PRKCA: variants seen among roughly 807,000 people sequenced by gnomAD.
The protein encoded by PRKCA is protein kinase C alpha type.
PRKCA carries 27 observed loss-of-function variants against 87.0 expected under a neutral mutation model. The observed-to-expected ratio is 0.31, with a 90% confidence interval of 0.23 to 0.43. PRKCA has a LOEUF of 0.43. PRKCA is among the 20% of genes least tolerant of loss of function. The pLI, the probability that PRKCA is intolerant of heterozygous loss-of-function variation, is 1.00. For missense variants in PRKCA, 518 were observed against 852.3 expected, an observed-to-expected ratio of 0.61 and a Z score of 4.88; for synonymous variants, 329 against 311.1, an observed-to-expected ratio of 1.06 and a Z score of -0.61.
intron 2 of PRKCA, among the ~76,000 whole-genome samples, chr17:66,464,723 A>C (rs945538407): frequency 6.6e-6 from 1 of 152,076 alleles, no homozygotes; most frequent in Non-Finnish European, 1.5e-5. Flanking sequence ...TTGTTTTCCT[A>C]TTGCTGAATT....
chr17:66,570,052 G>A lies in PRKCA; in HGVS notation c.289-71303G>A, dbSNP rs149777639. Among the ~76,000 whole-genome samples the A allele has an allele frequency of 1.5e-3, 227 of 152,324 alleles. 3 individuals carry two copies. Among genetic ancestry groups the A allele is most frequent in the Admixed American group, 0.013 (201 of 15,296 alleles). ...TTGTATAATCCTATCATGGGGTACTGTGCAGCCCTGAATGAAAAACCTGTT... is the reference window on the plus strand; with the variant it reads ...TTGTATAATCCTATCATGGGGTACTATGCAGCCCTGAATGAAAAACCTGTT... On this transcript the variant is annotated intron_variant, in intron 3 of 16. Coordinates refer to ENST00000413366, the MANE Select transcript of PRKCA (RefSeq NM_002737.3).
intron 4 of PRKCA, among the ~76,000 whole-genome samples, chr17:66,642,253 C>T (rs993764863): frequency 6.6e-6 from 1 of 152,000 alleles, no homozygotes; most frequent in Admixed American, 6.6e-5. Context: ...CCTCAGCCTC[C>T]CGAGTAGCTG....
intron 2 of PRKCA, among the ~76,000 whole-genome samples, chr17:66,378,008 T>G (rs928383184): frequency 6.6e-6 from 1 of 152,104 alleles, no homozygotes; most frequent in African/African-American, 2.4e-5. Context: ...CACATTATAT[T>G]GTACCCCACA....
chr17:66,498,348 T>C (rs571607713), intron 3 of PRKCA, among the ~76,000 whole-genome samples: 1 of 152,320 alleles, frequency 6.6e-6, no homozygotes, highest in African/African-American at 2.4e-5. Flanking sequence ...TTCCCATCTT[T>C]ATCTTGCTGT....
intron 2 of PRKCA, among the ~76,000 whole-genome samples, chr17:66,440,496 T>C (rs71379971): frequency 6.6e-6 from 1 of 152,148 alleles, no homozygotes; most frequent in Non-Finnish European, 1.5e-5. Context: ...CCCCTGCCCC[T>C]TCAGAGCTTA....
intron 2 of PRKCA, among the ~76,000 whole-genome samples, chr17:66,490,110 C>G (rs1406752639): frequency 6.6e-6 from 1 of 152,042 alleles, no homozygotes; most frequent in African/African-American, 2.4e-5. Flanking sequence ...TCATAATGAA[C>G]TCAATTATGA....
intron 3 of PRKCA, among the ~76,000 whole-genome samples, chr17:66,507,935 G>A (rs1052488439): frequency 2.0e-5 from 3 of 152,232 alleles, no homozygotes; most frequent in Non-Finnish European, 2.9e-5. Flanking sequence ...TCTGTGGACA[G>A]AGAAGTAGAT....
intron 5 of PRKCA, among the ~76,000 whole-genome samples, chr17:66,658,045 A>G (rs1971783367): frequency 1.3e-5 from 2 of 152,144 alleles, no homozygotes; most frequent in South Asian, 4.1e-4. Flanking sequence ...GGTTTAATTG[A>G]CTCACAGTTC....
intron 5 of PRKCA, among the ~76,000 whole-genome samples, chr17:66,665,361 A>G (rs527788380): frequency 1.3e-5 from 2 of 152,314 alleles, no homozygotes; most frequent in South Asian, 4.1e-4. Flanking sequence ...CCATGAGAAC[A>G]TGACCAAAAG....
intron 2 of PRKCA, among the ~76,000 whole-genome samples, chr17:66,438,981 C>T (rs746662832): frequency 6.6e-6 from 1 of 152,094 alleles, no homozygotes; most frequent in South Asian, 2.1e-4. Context: ...GAGGGGAGAA[C>T]AGGGAATGAA....
intron 9 of PRKCA, among the ~76,000 whole-genome samples, chr17:66,733,051 T>C (rs897925117): frequency 1.3e-5 from 2 of 149,706 alleles, no homozygotes; most frequent in African/African-American, 4.9e-5. Context: ...CTTGGGAGGC[T>C]GAGGCAGGAG....
chr17:66,470,336 C>T (rs1915271779), intron 2 of PRKCA, among the ~76,000 whole-genome samples: 1 of 135,814 alleles, frequency 7.4e-6, no homozygotes, highest in Non-Finnish European at 1.6e-5. Flanking sequence ...AGCGATTCTC[C>T]TGCCTCAGCC....
intron 2 of PRKCA, among the ~76,000 whole-genome samples, chr17:66,361,486 A>G (rs943012067): frequency 6.6e-5 from 10 of 151,460 alleles, no homozygotes; most frequent in East Asian, 1.9e-4. Context: ...TAATTTTTGT[A>G]TTTTAGTAGA....
At chr17:66,444,313 A>G (rs1159139324) in intron 2 of PRKCA, among the ~76,000 whole-genome samples, 1 of 152,186 alleles carries the variant, frequency 6.6e-6, no homozygotes, top group East Asian at 1.9e-4. Flanking sequence ...ACCAACTCTC[A>G]TGGAATCCCA....
chr17:66,489,352 C>CATATATATATATATAT (rs10529618), intron 2 of PRKCA, among the ~76,000 whole-genome samples: 2 of 98,918 alleles, frequency 2.0e-5, no homozygotes, highest in African/African-American at 3.9e-5. Context: ...CTTAGCAGTG[C>CATATATATATATATAT]ATATATATAT....
rs150189016 is a variant in PRKCA, at chr17:66,688,407, G to A, written c.792G>A (p.Ser264=). The change falls in exon 7 of 17, where the codon TCG becomes TCA. Residue 264 remains serine (S), a synonymous_variant. Coordinates refer to ENST00000413366, the MANE Select transcript of PRKCA (RefSeq NM_002737.3). ...TGGGATCCCTTTCCTTTGGAGTTTC[G>A]GAGCTGATGAAGATGCCGGCCAGTG... ...DFMGSLSFGV[S]ELMKMPASGW... The A allele has an allele frequency of 1.9e-5, 30 of 1,613,976 alleles. No individual in the cohort carries two copies. Among genetic ancestry groups the A allele is most frequent in the Middle Eastern group, 1.6e-4 (1 of 6,084 alleles).
intron 2 of PRKCA, among the ~76,000 whole-genome samples, chr17:66,385,983 C>T (rs760065001): frequency 1.3e-5 from 2 of 151,896 alleles, no homozygotes; most frequent in Non-Finnish European, 2.9e-5. Context: ...TGGTCTTGAA[C>T]TCCTGACCTC....
intron 2 of PRKCA, among the ~76,000 whole-genome samples, chr17:66,341,738 A>C (rs1361429970): frequency 6.6e-6 from 1 of 152,194 alleles, no homozygotes; most frequent in African/African-American, 2.4e-5. Context: ...AGAATTTGAG[A>C]TTGAACTTTT....
intron 2 of PRKCA, among the ~76,000 whole-genome samples, chr17:66,407,266 A>G (rs1262523433): frequency 5.3e-5 from 8 of 151,846 alleles, no homozygotes; most frequent in Non-Finnish European, 5.9e-5. Flanking sequence ...AGGTGATCAG[A>G]TCATGGGGGC....
Sources: gnomAD v4.1 joint callset for allele counts (sites outside exome capture counted in the v4.1 genomes callset) on GRCh38, gnomAD v4.1.1 for gene constraint, MANE v1.5 for transcripts, NCBI Gene and HGNC (gene_info 2026-07-23, HGNC 2026-07-21) for gene names.